The following CDK14 variants were observed in gnomAD, a reference collection of about 807,000 sequenced individuals.
The protein encoded by CDK14 is cyclin dependent kinase 14, also known as cyclin-dependent kinase 14.
In CDK14, 34 loss-of-function variants were observed where a neutral mutation model predicts 60.7. The observed-to-expected ratio is 0.56, with a 90% confidence interval of 0.43 to 0.75. The LOEUF (loss-of-function observed/expected upper bound fraction) is 0.75. Ranked by LOEUF, CDK14 falls within the 30% of genes least tolerant of loss-of-function variation. The pLI is 0.00. For synonymous variants in CDK14, 197 were observed against 203.7 expected, an observed-to-expected ratio of 0.97 and a Z score of 0.28; for missense variants, 482 against 564.1, an observed-to-expected ratio of 0.85 and a Z score of 1.47.
intron 5 of CDK14, among the ~76,000 whole-genome samples, chr7:90,820,895 T>C (rs1413193406): frequency 6.6e-6 from 1 of 152,240 alleles, no homozygotes; most frequent in East Asian, 1.9e-4. Context: ...TACATTGTTT[T>C]CATTAACTGA....
At chr7:90,905,620 A>G (rs917294776) in intron 7 of CDK14, among the ~76,000 whole-genome samples, 2 of 152,138 alleles carry the variant, frequency 1.3e-5, no homozygotes, top group African/African-American at 2.4e-5. Context: ...CCAGCCCCCA[A>G]CATTTCATAG....
intron 5 of CDK14, among the ~76,000 whole-genome samples, chr7:90,810,361 A>G (rs1292409462): frequency 6.6e-6 from 1 of 152,234 alleles, no homozygotes; most frequent in African/African-American, 2.4e-5. Context: ...ACAGAACCAA[A>G]GAGAAAAACC....
chr7:91,159,946 A>G (rs143810137), intron 14 of CDK14, among the ~76,000 whole-genome samples: 2 of 152,278 alleles, frequency 1.3e-5, no homozygotes, highest in African/African-American at 4.8e-5. Flanking sequence ...CAGCTTCTTA[A>G]CAATATACTA....
At chr7:90,628,510 A>T (rs774061409) in intron 2 of CDK14, among the ~76,000 whole-genome samples, 9 of 152,092 alleles carry the variant, frequency 5.9e-5, no homozygotes, top group Non-Finnish European at 1.2e-4. Flanking sequence ...GATGTGAATC[A>T]CCTGGGGATC....
intron 12 of CDK14, among the ~76,000 whole-genome samples, chr7:91,081,829 A>G (rs1469905563): frequency 6.6e-6 from 1 of 152,142 alleles, no homozygotes; most frequent in Non-Finnish European, 1.5e-5. Flanking sequence ...AAGATCCAAC[A>G]GATATCCAAA....
chr7:91,004,109 T>C (rs1423535719), intron 10 of CDK14, among the ~76,000 whole-genome samples: 1 of 152,078 alleles, frequency 6.6e-6, no homozygotes, highest in Non-Finnish European at 1.5e-5. Context: ...AGTAGAAGTA[T>C]AGAAGCAAAT....
At chr7:90,632,455 C>T (rs181695679) in intron 2 of CDK14, 40 of 201,352 alleles carry the variant, frequency 2.0e-4, no homozygotes, top group Non-Finnish European at 3.9e-4. Context: ...AGATGCCAAC[C>T]TATATGGTTA....
At chr7:91,004,797 G>C (rs532614796) in intron 10 of CDK14, among the ~76,000 whole-genome samples, 49 of 152,346 alleles carry the variant, frequency 3.2e-4, no homozygotes, top group African/African-American at 9.9e-4. Context: ...GAAGTTTCCT[G>C]TACCAATCAG....
chr7:90,812,791 G>C (rs1293396781), intron 5 of CDK14, among the ~76,000 whole-genome samples: 3 of 152,072 alleles, frequency 2.0e-5, no homozygotes, highest in Non-Finnish European at 4.4e-5. Context: ...TGGAATAATG[G>C]AACCCTTAAA....
rs550356347 is a variant in CDK14, at chr7:90,839,318, G to T, written c.545-23857G>T. Among the ~76,000 whole-genome samples the T allele has an allele frequency of 2.6e-5, 4 of 152,268 alleles. No homozygotes were observed. In the South Asian group the frequency reaches 8.3e-4, roughly 32 times the overall value. ...AGTGTAGAATTGAGACTATGGCTTG[G>T]CCTCCAGGGTTCTAGCTGTGTGCCT... On this transcript the variant is annotated intron_variant, in intron 5 of 14. Transcript: ENST00000380050.
chr7:90,930,400 G>A (rs1051235373), intron 8 of CDK14, among the ~76,000 whole-genome samples: 1 of 152,092 alleles, frequency 6.6e-6, no homozygotes, highest in Non-Finnish European at 1.5e-5. Flanking sequence ...GATAGCAAAG[G>A]GAGTCACTTC....
intron 5 of CDK14, among the ~76,000 whole-genome samples, chr7:90,814,285 T>G (rs1221687401): frequency 1.3e-5 from 2 of 152,164 alleles, no homozygotes; most frequent in African/African-American, 4.8e-5. Context: ...GTAAGTACTC[T>G]TACAGTCGGA....
chr7:90,988,992 T>TTGTGTG (rs879424238), intron 10 of CDK14, among the ~76,000 whole-genome samples: 2 of 73,170 alleles, frequency 2.7e-5, no homozygotes, highest in Non-Finnish European at 5.6e-5. Flanking sequence ...TTGAGTGTGT[T>TTGTGTG]TGTGTGTGAG....
intron 14 of CDK14, among the ~76,000 whole-genome samples, chr7:91,185,283 C>T (rs1406311763): frequency 6.6e-6 from 1 of 151,594 alleles, no homozygotes; most frequent in Non-Finnish European, 1.5e-5. Flanking sequence ...TCCTACAAAA[C>T]CCAGCTCAGT....
intron 2 of CDK14, among the ~76,000 whole-genome samples, chr7:90,645,594 C>T (rs1174215281): frequency 2.0e-5 from 3 of 151,968 alleles, no homozygotes; most frequent in African/African-American, 7.2e-5. Flanking sequence ...TGGGTATTTT[C>T]CTCCTTTTTT....
rs989266811 is a variant in CDK14, at chr7:90,978,959, G to GT, written c.948-5182dup. ...TTAGTATGACTTTTTCTATTATTGT[G>GT]TTTTTTTGCAAGTGGAGCATAACAT... On this transcript the variant is annotated intron_variant, in intron 9 of 14. Transcript: ENST00000380050. Among the ~76,000 whole-genome samples the GT allele has an allele frequency of 4.7e-4, 72 of 151,876 alleles. 1 individual carries two copies. Among genetic ancestry groups the GT allele is most frequent in the African/African-American group, 1.6e-3 (65 of 41,334 alleles).
chr7:90,952,861 G>T (rs1212226171), intron 8 of CDK14, among the ~76,000 whole-genome samples: 1 of 152,112 alleles, frequency 6.6e-6, no homozygotes, highest in Non-Finnish European at 1.5e-5. Context: ...GAAGAATGCA[G>T]TTTAATAAAT....
At chr7:90,659,427 A>G (rs966884300) in intron 2 of CDK14, among the ~76,000 whole-genome samples, 14 of 152,190 alleles carry the variant, frequency 9.2e-5, no homozygotes, top group African/African-American at 3.4e-4. Context: ...GCAGAATTTT[A>G]AGGTAGTACA....
At chr7:90,688,804 C>T (rs944516240) in intron 2 of CDK14, among the ~76,000 whole-genome samples, 19 of 152,098 alleles carry the variant, frequency 1.2e-4, no homozygotes, top group Admixed American at 7.9e-4. Flanking sequence ...TTTGGAACAG[C>T]GTTCATATGT....
Sources: gnomAD v4.1 joint callset for allele counts (sites outside exome capture counted in the v4.1 genomes callset) on GRCh38, gnomAD v4.1.1 for gene constraint, MANE v1.5 for transcripts, NCBI Gene and HGNC (gene_info 2026-07-23, HGNC 2026-07-21) for gene names.